The following RBM4 variants were observed in gnomAD, a reference collection of about 807,000 sequenced individuals.
RBM4 encodes the protein RNA binding motif protein 4.
A neutral mutation model predicts 29.5 loss-of-function variants in RBM4; 7 were observed. The observed-to-expected ratio is 0.24, with a 90% CI of 0.14 to 0.45. The LOEUF (loss-of-function observed/expected upper bound fraction) is 0.45, where lower values mean the gene tolerates loss of function less well. RBM4 is among the 20% of genes least tolerant of loss of function. The pLI, the probability that RBM4 is intolerant of heterozygous loss-of-function variation, is 1.00. For synonymous variants in RBM4, 220 were observed against 205.4 expected, an observed-to-expected ratio of 1.07 and a Z score of -0.61; for missense variants, 387 against 502.3, an observed-to-expected ratio of 0.77 and a Z score of 2.19.
At chr11:66,658,004 G>A (rs1168214201) in intron 2 of RBM4, among the ~76,000 whole-genome samples, 1 of 151,904 alleles carries the variant, frequency 6.6e-6, no homozygotes, top group African/African-American at 2.4e-5. Context: ...ACAGGCGTGA[G>A]CCACCTAGTC....
chr11:66,665,890 C>T (rs895518213), exon 3 of RBM4: 28 of 1,534,966 alleles, frequency 1.8e-5, no homozygotes, highest in Non-Finnish European at 2.3e-5. Context: ...GCTACTGTTG[C>T]TGTAACAAAG....
chr11:66,646,155 A>T lies in RBM4; in HGVS notation c.*137A>T. On this transcript the variant is annotated 3_prime_UTR_variant, in exon 4 of 4. Transcript: ENST00000310092. ...CCTCAGGAACCGTGGACCTTAATTT[A>T]CCTTGCTAAGTTCAGACCTTCTCTT... is the stretch of plus-strand genomic sequence containing the variant. 1 of 1,525,310 alleles carries T rather than the reference A, an allele frequency of 6.6e-7. No individual in the cohort carries two copies. The highest frequency in any genetic ancestry group is 8.8e-7 in the Non-Finnish European group (1 of 1,140,754). The allele number at this position is 1,525,310 out of a possible 1,614,324, so 94.5% of individuals were successfully genotyped here.
Position 66,643,432 on chromosome 11 carries a change from T to C in RBM4, c.413-18T>C. ...GACTAAGAGTGATAGCAACCCTTCT[T>C]GCGTCTGTTTCTTCAAGGCAAACGA... On this transcript the variant is annotated intron_variant, in intron 2 of 3. Transcript: ENST00000310092. The surrounding 1 kb of genome is among the most constrained non-coding windows in gnomAD (Gnocchi z 6.1). The C allele has an allele frequency of 6.3e-7, 1 of 1,587,310 alleles. No individual in the cohort carries two copies. Among genetic ancestry groups the C allele is most frequent in the Non-Finnish European group, 8.6e-7 (1 of 1,163,670 alleles).
intron 2 of RBM4, among the ~76,000 whole-genome samples, chr11:66,658,653 T>C (rs1247260414): frequency 1.3e-5 from 2 of 151,968 alleles, no homozygotes. Flanking sequence ...AAAATTAATA[T>C]AAGCCAGGCG....
intron 2 of RBM4, among the ~76,000 whole-genome samples, chr11:66,658,094 TCTCGG>T (rs1938988425): frequency 6.6e-6 from 1 of 151,730 alleles, no homozygotes; most frequent in Admixed American, 6.6e-5. Flanking sequence ...AACGGCACGA[TCTCGG>T]CTCAGTGCAA....
intron 2 of RBM4, among the ~76,000 whole-genome samples, chr11:66,654,799 T>G (rs1037716961): frequency 4.0e-5 from 6 of 151,692 alleles, no homozygotes; most frequent in African/African-American, 1.5e-4. Flanking sequence ...ATTACAGGTG[T>G]GAGCCACTGT....
chr11:66,657,614 T>C (rs747279545), intron 2 of RBM4, among the ~76,000 whole-genome samples: 3 of 124,342 alleles, frequency 2.4e-5, no homozygotes, highest in Non-Finnish European at 4.7e-5. Context: ...ACCCGGGAGG[T>C]GGAGGGTGCA....
chr11:66,661,680 T>G (rs1939085832), intron 2 of RBM4, among the ~76,000 whole-genome samples: 1 of 152,188 alleles, frequency 6.6e-6, no homozygotes, highest in African/African-American at 2.4e-5. Context: ...CTTGGTGAAC[T>G]AAAGGAATTT....
downstream of RBM4, among the ~76,000 whole-genome samples, chr11:66,649,415 C>T (rs929275527): frequency 2.6e-5 from 4 of 152,162 alleles, no homozygotes; most frequent in East Asian, 1.9e-4. Context: ...TGTGGTGATA[C>T]GCAGCTGAAG....
intron 2 of RBM4, chr11:66,665,700 A>G: frequency 6.8e-7 from 1 of 1,479,608 alleles, no homozygotes; most frequent in Non-Finnish European, 9.0e-7. Flanking sequence ...AACAAAACCA[A>G]GTCAGACTGG....
exon 3 of RBM4, chr11:66,667,578 ATTCAACT>A (rs1355936980): frequency 6.6e-6 from 1 of 152,196 alleles, no homozygotes; most frequent in East Asian, 1.9e-4. Context: ...ACATCAAAAC[ATTCAACT>A]TTCAAGTAAA....
intron 1 of RBM4, chr11:66,639,364 C>T (rs1468785612): frequency 7.7e-6 from 2 of 259,448 alleles, no homozygotes; most frequent in African/African-American, 4.4e-5. Flanking sequence ...CTTTTGTTTT[C>T]TGTTGTCCTC....
At chr11:66,658,998 G>A (rs1939020116) in intron 2 of RBM4, among the ~76,000 whole-genome samples, 2 of 150,162 alleles carry the variant, frequency 1.3e-5, no homozygotes, top group Admixed American at 1.3e-4. Flanking sequence ...TGTTGAAATG[G>A]TCATTTTTTT....
chr11:66,640,157 C>T (rs1938374731), intron 2 of RBM4, 34 bp downstream of exon 2: 9 of 1,612,098 alleles, frequency 5.6e-6, no homozygotes, highest in Non-Finnish European at 7.6e-6. Context: ...GGGCTGAACA[C>T]AAGGCTGTGT....
chr11:66,654,856 C>A (rs566012230), intron 2 of RBM4, among the ~76,000 whole-genome samples: 6 of 151,496 alleles, frequency 4.0e-5, no homozygotes, highest in Admixed American at 3.3e-4. Flanking sequence ...ATGGAGTCTC[C>A]CTACGTCGCC....
intron 2 of RBM4, among the ~76,000 whole-genome samples, chr11:66,663,702 ATGTGTGTG>A (rs66797662): frequency 3.0e-4 from 45 of 148,408 alleles, no homozygotes; most frequent in Non-Finnish European, 5.2e-4. Flanking sequence ...GTGTGTGTAT[ATGTGTGTG>A]TGTGTGTGTG....
intron 2 of RBM4, among the ~76,000 whole-genome samples, chr11:66,660,747 G>A (rs559468562): frequency 6.6e-6 from 1 of 151,714 alleles, no homozygotes; most frequent in Admixed American, 6.6e-5. Flanking sequence ...TCTGCCTCCC[G>A]GGTTCACGCC....
intron 3 of RBM4, chr11:66,644,823 C>G: frequency 2.3e-6 from 1 of 440,304 alleles, no homozygotes; most frequent in African/African-American, 2.1e-5. Flanking sequence ...TGCTAACACT[C>G]ACCTTCTCTG....
chr11:66,639,779 A>G lies in RBM4; in HGVS notation c.68A>G (p.Glu23Gly). The change falls in exon 2 of 4, where the codon GAG becomes GGG. Residue 23 changes from glutamate to glycine, a missense_variant. Transcript: ENST00000310092. ...ATEQEIRSLF[E>G]QYGKVLECDI... Reference sequence around the variant, plus strand: ...GAGCAGGAGATTCGCTCACTCTTCGAGCAGTATGGGAAGGTGCTGGAATGT... The same window carrying G: ...GAGCAGGAGATTCGCTCACTCTTCGGGCAGTATGGGAAGGTGCTGGAATGT... 1 of 1,614,148 alleles carries G rather than the reference A, an allele frequency of 6.2e-7. No homozygotes were observed. The highest frequency in any genetic ancestry group is 2.2e-5 in the East Asian group (1 of 44,892).
Sources: gnomAD v4.1 joint callset for allele counts (sites outside exome capture counted in the v4.1 genomes callset) on GRCh38, gnomAD v4.1.1 for gene constraint, Gnocchi (gnomAD v3.1) non-coding constraint, MANE v1.5 for transcripts, NCBI Gene and HGNC (gene_info 2026-07-23, HGNC 2026-07-21) for gene names.